GNAQ: variants seen among roughly 807,000 people sequenced by gnomAD.
GNAQ encodes guanine nucleotide-binding protein G(q) subunit alpha.
Under a neutral mutation model 43.9 loss-of-function variants are expected in GNAQ, and 8 were observed. The ratio of observed to expected loss-of-function variants is 0.18; its 90% CI spans 0.11 to 0.33. The LOEUF (loss-of-function observed/expected upper bound fraction) is 0.33. Among genes scored for constraint, GNAQ ranks in the 10% least tolerant of loss-of-function variants. GNAQ has a pLI of 1.00. For synonymous variants in GNAQ, 155 were observed against 170.7 expected (o/e 0.91, Z 0.71); for missense variants, 158 against 450.8 (o/e 0.35, Z 5.88).
At chr9:78,026,653 G>C (rs1174358491) in intron 1 of GNAQ, among the ~76,000 whole-genome samples, 2 of 151,830 alleles carry the variant, frequency 1.3e-5, no homozygotes, top group African/African-American at 4.8e-5. Context: ...GGTTAATTCA[G>C]GCAATCAACA....
chr9:77,816,493 A>T (rs1827017804), intron 2 of GNAQ, among the ~76,000 whole-genome samples: 1 of 152,190 alleles, frequency 6.6e-6, no homozygotes, highest in African/African-American at 2.4e-5. Context: ...AATGTTTTAA[A>T]AATAAGATTG....
At chr9:77,781,898 C>T (rs1826399256) in intron 5 of GNAQ, among the ~76,000 whole-genome samples, 1 of 152,090 alleles carries the variant, frequency 6.6e-6, no homozygotes, top group African/African-American at 2.4e-5. Flanking sequence ...AAAAAATCTA[C>T]AGCTAATATC....
At position 77,852,865 on chromosome 9, in the gene GNAQ, C is replaced by T. The variant is rs1242083165; in HGVS notation, c.322-37095G>A. 2.6e-5 allele frequency among the ~76,000 whole-genome samples: 4 copies of T among 152,114 alleles called. No individual in the cohort carries two copies. In the East Asian group the frequency reaches 7.7e-4, roughly 29 times the overall value. On this transcript the variant is annotated intron_variant, in intron 2 of 6. Coordinates refer to ENST00000286548, the MANE Select transcript of GNAQ (RefSeq NM_002072.5). The stretch of plus-strand genomic sequence containing the variant: ...CTTCATCCCTACTTTGATAGCAAGG[C>T]ACAGTGATTTCATCTTCATTTTTCC...
intron 5 of GNAQ, among the ~76,000 whole-genome samples, chr9:77,785,153 A>G (rs1285148535): frequency 5.3e-5 from 8 of 152,192 alleles, no homozygotes; most frequent in African/African-American, 1.9e-4. Context: ...ATCTTAGATT[A>G]TGTGGGTGGG....
chr9:77,816,901 A>G (rs1325319510), intron 2 of GNAQ, among the ~76,000 whole-genome samples: 1 of 152,158 alleles, frequency 6.6e-6, no homozygotes, highest in African/African-American at 2.4e-5. Flanking sequence ...CCATGCCAAT[A>G]GACTAATCTT....
intron 1 of GNAQ, among the ~76,000 whole-genome samples, chr9:78,027,267 A>C (rs1008257791): frequency 1.3e-5 from 2 of 152,232 alleles, no homozygotes; most frequent in Admixed American, 6.5e-5. Context: ...AGATAAAAAC[A>C]TTATATATTC....
chr9:77,819,018 A>C (rs1268949536), intron 2 of GNAQ, among the ~76,000 whole-genome samples: 3 of 150,152 alleles, frequency 2.0e-5, no homozygotes, highest in African/African-American at 7.4e-5. Context: ...AAAAAAAAAA[A>C]AAAAAAAAAA....
intron 1 of GNAQ, among the ~76,000 whole-genome samples, chr9:77,999,249 C>T (rs1292751534): frequency 6.6e-6 from 1 of 152,096 alleles, no homozygotes; most frequent in Non-Finnish European, 1.5e-5. Context: ...CTTTGGCTTA[C>T]ATGATTCAAT....
At chr9:77,966,543 G>T (rs996209757) in intron 1 of GNAQ, among the ~76,000 whole-genome samples, 3 of 152,024 alleles carry the variant, frequency 2.0e-5, no homozygotes, top group African/African-American at 7.3e-5. Flanking sequence ...TCTTAGACCT[G>T]GCTTTCTACA....
chr9:77,982,640 A>C (rs1033420149), intron 1 of GNAQ, among the ~76,000 whole-genome samples: 1 of 152,142 alleles, frequency 6.6e-6, no homozygotes. Context: ...TTTCAGGGGA[A>C]TAAAAATGCC....
intron 2 of GNAQ, among the ~76,000 whole-genome samples, chr9:77,821,811 G>C (rs893025017): frequency 3.3e-5 from 5 of 151,554 alleles, no homozygotes; most frequent in African/African-American, 1.2e-4. Context: ...TCTTCAGAGA[G>C]TTTATACAAA....
intron 1 of GNAQ, among the ~76,000 whole-genome samples, chr9:77,976,833 C>G (rs1292270798): frequency 1.3e-5 from 2 of 152,232 alleles, no homozygotes; most frequent in Non-Finnish European, 2.9e-5. Context: ...AAAACCTGCT[C>G]TCCATACATG....
At chr9:77,815,821 T>C in intron 2 of GNAQ, 51 bp from the exon 3 acceptor site, 7 of 1,350,814 alleles carry the variant, frequency 5.2e-6, no homozygotes, top group Non-Finnish European at 7.3e-6. Context: ...TTCCAAATTT[T>C]CTTTGCTTTG....
chr9:77,942,111 T>A (rs1329301672), intron 1 of GNAQ, among the ~76,000 whole-genome samples: 1 of 152,178 alleles, frequency 6.6e-6, no homozygotes, highest in Admixed American at 6.5e-5. Flanking sequence ...ATAAAACAGT[T>A]GTTAAGAAAC....
At chr9:77,940,014 G>A (rs1829291955) in intron 1 of GNAQ, among the ~76,000 whole-genome samples, 1 of 152,042 alleles carries the variant, frequency 6.6e-6, no homozygotes, top group African/African-American at 2.4e-5. Flanking sequence ...AGAGTAAAAG[G>A]GGTACTATTA....
intron 5 of GNAQ, among the ~76,000 whole-genome samples, chr9:77,787,441 T>C (rs1826498845): frequency 6.6e-6 from 1 of 152,176 alleles, no homozygotes; most frequent in Admixed American, 6.5e-5. Flanking sequence ...TGTGTGTGTA[T>C]TTCACAATTA....
intron 5 of GNAQ, among the ~76,000 whole-genome samples, chr9:77,734,649 G>A (rs1346324387): frequency 1.3e-5 from 2 of 152,128 alleles, no homozygotes; most frequent in African/African-American, 4.8e-5. Flanking sequence ...GGTGTTGAGT[G>A]ACCTTGAGTG....
At chr9:77,741,410 C>T (rs1008630584) in intron 5 of GNAQ, among the ~76,000 whole-genome samples, 3 of 152,142 alleles carry the variant, frequency 2.0e-5, no homozygotes, top group Non-Finnish European at 2.9e-5. Flanking sequence ...AGGTCTCCCC[C>T]GATAAATCTG....
chr9:77,779,680 C>CAAAA (rs58014303), intron 5 of GNAQ, among the ~76,000 whole-genome samples: 553 of 95,616 alleles, frequency 5.8e-3, no homozygotes, highest in African/African-American at 0.012. Context: ...AAAAACAAAA[C>CAAAA]AAAAAAAAAA....
Sources: allele counts gnomAD v4.1 joint callset (sites outside exome capture counted in the v4.1 genomes callset), GRCh38; gene constraint gnomAD v4.1.1; transcripts MANE v1.5; gene names NCBI Gene and HGNC (gene_info 2026-07-23, HGNC 2026-07-21).